CCDC178: variants seen among roughly 807,000 people sequenced by gnomAD.
CCDC178 encodes the protein coiled-coil domain-containing protein 178.
A neutral mutation model predicts 117.4 loss-of-function variants in CCDC178; 126 were observed. That is an observed-to-expected ratio of 1.07 (90% CI 0.93 to 1.24). The LOEUF (loss-of-function observed/expected upper bound fraction) is 1.24. CCDC178 is among the 50% of genes most tolerant of loss of function. CCDC178 has a pLI of 0.00. For missense variants in CCDC178, 1,030 were observed against 986.9 expected (o/e 1.04, Z -0.59); for synonymous variants, 283 against 313.4 (o/e 0.90, Z 1.02).
intron 21 of CCDC178, among the ~76,000 whole-genome samples, chr18:33,058,476 A>T (rs943643698): frequency 1.3e-5 from 2 of 152,226 alleles, no homozygotes; most frequent in African/African-American, 4.8e-5. Flanking sequence ...CACCACTGAA[A>T]GCTGAAATGC....
chr18:32,962,278 T>A (rs1239290006), intron 22 of CCDC178, among the ~76,000 whole-genome samples: 2 of 152,108 alleles, frequency 1.3e-5, no homozygotes. Context: ...TAAATTCAGT[T>A]GTCTTTTTAA....
At chr18:33,020,487 T>C (rs141267577) in intron 21 of CCDC178, among the ~76,000 whole-genome samples, 49 of 152,356 alleles carry the variant, frequency 3.2e-4, no homozygotes, top group South Asian at 1.5e-3. Flanking sequence ...CTAAAAATAA[T>C]TGATTTCCTT....
chr18:33,203,511 A>T (rs271540), intron 20 of CCDC178, among the ~76,000 whole-genome samples: 24,445 of 152,082 alleles, frequency 0.16, 2,744 homozygotes, highest in African/African-American at 0.32. Context: ...TAGTAATATA[A>T]TGACTTCATT....
intron 20 of CCDC178, among the ~76,000 whole-genome samples, chr18:33,160,571 G>T (rs2058450672): frequency 6.6e-6 from 1 of 152,088 alleles, no homozygotes; most frequent in African/African-American, 2.4e-5. Flanking sequence ...CAGGTCAATA[G>T]CAAAGGTATT....
intron 20 of CCDC178, among the ~76,000 whole-genome samples, chr18:33,184,514 C>T (rs992808841): frequency 2.0e-5 from 3 of 151,904 alleles, no homozygotes; most frequent in African/African-American, 7.3e-5. Context: ...ACATTACTGC[C>T]ATCAACCAAA....
chr18:33,431,708 T>C (rs1234875169), intron 2 of CCDC178, among the ~76,000 whole-genome samples: 1 of 152,188 alleles, frequency 6.6e-6, no homozygotes, highest in Non-Finnish European at 1.5e-5. Flanking sequence ...CCACCCCAAA[T>C]AGCACCATGT....
intron 11 of CCDC178, among the ~76,000 whole-genome samples, chr18:33,310,431 C>A (rs2062324658): frequency 6.6e-6 from 1 of 152,148 alleles, no homozygotes; most frequent in South Asian, 2.1e-4. Context: ...GTATATCACA[C>A]CTGTAATCTC....
chr18:33,401,439 T>C (rs1045238402), intron 3 of CCDC178, among the ~76,000 whole-genome samples: 8 of 152,074 alleles, frequency 5.3e-5, no homozygotes, highest in African/African-American at 1.4e-4. Context: ...CTGAAAAACA[T>C]TGGTTCAAAT....
At chr18:33,060,127 T>C (rs1312182084) in intron 21 of CCDC178, among the ~76,000 whole-genome samples, 2 of 152,090 alleles carry the variant, frequency 1.3e-5, no homozygotes, top group Non-Finnish European at 1.5e-5. Flanking sequence ...CTTAAATGAG[T>C]CATAATGAGT....
intron 21 of CCDC178, among the ~76,000 whole-genome samples, chr18:33,016,578 C>T (rs1332536872): frequency 6.6e-6 from 1 of 151,676 alleles, no homozygotes; most frequent in Non-Finnish European, 1.5e-5. Context: ...TGTTGCTGGG[C>T]TTATAATGTA....
chr18:33,335,073 T>C (rs2062721695), intron 9 of CCDC178, among the ~76,000 whole-genome samples: 1 of 152,062 alleles, frequency 6.6e-6, no homozygotes, highest in African/African-American at 2.4e-5. Flanking sequence ...TACATTATGC[T>C]CTTTCTACTG....
intron 17 of CCDC178, 51 bp from the exon 18 acceptor site, chr18:33,223,270 C>T (rs764776973): frequency 5.9e-6 from 9 of 1,513,966 alleles, no homozygotes; most frequent in Non-Finnish European, 8.0e-6. Context: ...CCCAGTTATC[C>T]TCATTTAGGC....
chr18:33,323,913 T>C (rs1222267379), intron 10 of CCDC178, among the ~76,000 whole-genome samples: 1 of 151,824 alleles, frequency 6.6e-6, no homozygotes, highest in Admixed American at 6.6e-5. Context: ...ACTCAAATAA[T>C]ACTTTATTAT....
intron 20 of CCDC178, among the ~76,000 whole-genome samples, chr18:33,151,746 A>G (rs1198027673): frequency 6.6e-6 from 1 of 152,214 alleles, no homozygotes; most frequent in Non-Finnish European, 1.5e-5. Flanking sequence ...ATAATGTCCT[A>G]TTAAACATGG....
Position 33,389,537 on chromosome 18 carries a change from CA to C in CCDC178, c.208+2del, listed in dbSNP as rs751436550. ...TACTATATGATTTACATTCAGTCCT[CA>C]CCTTCAGTATTTGTCATTTTACTTT... On this transcript the variant is annotated splice_donor_variant, in intron 5 of 22. Transcript: ENST00000383096. LOFTEE classifies it high-confidence loss of function. 2.1e-6 allele frequency: 3 copies of C among 1,455,764 alleles called. No homozygotes were observed. The highest frequency in any genetic ancestry group is 3.0e-5 in the South Asian group (2 of 67,254). 90.2% of individuals were successfully genotyped at this position (1,455,764 alleles called of 1,614,324 possible).
chr18:33,308,281 A>T (rs2062285637), intron 11 of CCDC178, among the ~76,000 whole-genome samples: 3 of 152,104 alleles, frequency 2.0e-5, no homozygotes, highest in Non-Finnish European at 4.4e-5. Context: ...GCCAAAGGAG[A>T]TCTATTTTGG....
chr18:33,434,269 T>A lies in CCDC178; in HGVS notation c.-23+5693A>T, dbSNP rs911630046. ...AAATAAGAGTGGAAATGTGTAGCCATCTGGAGAATAAGAAAATCAAAAATA... is the reference window on the plus strand; with the variant it reads ...AAATAAGAGTGGAAATGTGTAGCCAACTGGAGAATAAGAAAATCAAAAATA... On this transcript the variant is annotated intron_variant, in intron 2 of 22. Coordinates refer to ENST00000383096, the MANE Select transcript of CCDC178 (RefSeq NM_001105528.4). 3.9e-5 allele frequency among the ~76,000 whole-genome samples: 6 copies of A among 152,094 alleles called. No homozygotes were observed. The East Asian group carries it at 1.2e-3, about 29-fold the overall frequency.
intron 11 of CCDC178, among the ~76,000 whole-genome samples, chr18:33,295,045 C>T (rs1465757106): frequency 2.0e-5 from 3 of 152,154 alleles, no homozygotes; most frequent in Admixed American, 6.5e-5. Flanking sequence ...GGAAGAATCA[C>T]TCTACCTGTT....
At chr18:33,123,728 C>T (rs568088348) in intron 20 of CCDC178, among the ~76,000 whole-genome samples, 10 of 152,158 alleles carry the variant, frequency 6.6e-5, no homozygotes, top group African/African-American at 1.9e-4. Context: ...ATGTCAAATT[C>T]TATCAAATTT....
Sources: allele counts gnomAD v4.1 joint callset (sites outside exome capture counted in the v4.1 genomes callset), GRCh38; gene constraint gnomAD v4.1.1; transcripts MANE v1.5; gene names NCBI Gene and HGNC (gene_info 2026-07-23, HGNC 2026-07-21).